TCF4: variants seen among roughly 807,000 people sequenced by gnomAD.
TCF4 encodes SL3-3 enhancer factor 2.
TCF4 carries 3 observed loss-of-function variants against 82.1 expected under a neutral mutation model. The observed-to-expected ratio is 0.04, with a 90% confidence interval of 0.02 to 0.09. The LOEUF (loss-of-function observed/expected upper bound fraction) is 0.09, where lower values mean the gene tolerates loss of function less well. Among genes scored for constraint, TCF4 ranks in the 10% least tolerant of loss-of-function variants. The probability of loss-of-function intolerance (pLI) is 1.00; values close to 1 mark genes in which losing one functional copy is unlikely to be tolerated. For missense variants in TCF4, 518 were observed against 852.7 expected, an observed-to-expected ratio of 0.61 and a Z score of 4.89; for synonymous variants, 276 against 309.6, an observed-to-expected ratio of 0.89 and a Z score of 1.14.
chr18:55,580,946 T>C (rs1220899491), intron 3 of TCF4, among the ~76,000 whole-genome samples: 1 of 151,956 alleles, frequency 6.6e-6, no homozygotes, highest in Non-Finnish European at 1.5e-5. Flanking sequence ...ATTTAAAAAA[T>C]ACAACAGGTA....
intron 2 of TCF4, among the ~76,000 whole-genome samples, chr18:55,605,385 G>A (rs2097701299): frequency 6.6e-6 from 1 of 152,186 alleles, no homozygotes; most frequent in Admixed American, 6.5e-5. Context: ...TCCATCCGAT[G>A]GTGTGAGCTG....
chr18:55,581,639 A>G (rs1231312324), intron 3 of TCF4, among the ~76,000 whole-genome samples: 4 of 152,044 alleles, frequency 2.6e-5, no homozygotes, highest in African/African-American at 9.7e-5. Context: ...CTAATTCAGG[A>G]TGTGACCACG....
At chr18:55,443,794 C>A (rs763211725) in intron 5 of TCF4, among the ~76,000 whole-genome samples, 11 of 152,158 alleles carry the variant, frequency 7.2e-5, no homozygotes, top group Non-Finnish European at 1.0e-4. Flanking sequence ...TCCACAATCA[C>A]AAAAATAGCG....
intron 2 of TCF4, among the ~76,000 whole-genome samples, chr18:55,601,472 A>G (rs1340549747): frequency 6.6e-6 from 1 of 152,034 alleles, no homozygotes; most frequent in Non-Finnish European, 1.5e-5. Flanking sequence ...CTGAGAAAAA[A>G]AAAAAAAAAG....
intron 5 of TCF4, among the ~76,000 whole-genome samples, chr18:55,455,510 A>C (rs1371186980): frequency 6.6e-6 from 1 of 151,338 alleles, no homozygotes; most frequent in Non-Finnish European, 1.5e-5. Context: ...AGATAACATC[A>C]AGCTGAAAGG....
chr18:55,582,725 T>C (rs906628573), intron 3 of TCF4, among the ~76,000 whole-genome samples: 12 of 152,152 alleles, frequency 7.9e-5, no homozygotes, highest in East Asian at 3.9e-4. Context: ...GCATGAATTA[T>C]TACCATGCCT....
At chr18:55,510,618 T>A in intron 3 of TCF4, 5 of 1,517,026 alleles carry the variant, frequency 3.3e-6, no homozygotes, top group Non-Finnish European at 4.4e-6. Context: ...AGTAATAAAT[T>A]CCCCCAATAT....
At chr18:55,360,731 CTT>C (rs35704472) in intron 6 of TCF4, among the ~76,000 whole-genome samples, 5 of 74,266 alleles carry the variant, frequency 6.7e-5, no homozygotes, top group East Asian at 5.3e-4. Context: ...GCCCCCCACC[CTT>C]TTTTTTTTTT....
intron 8 of TCF4, among the ~76,000 whole-genome samples, chr18:55,338,292 C>T (rs975385947): frequency 1.4e-4 from 21 of 152,206 alleles, no homozygotes; most frequent in African/African-American, 4.1e-4. Context: ...TGCCCTCCCC[C>T]GAGGGACTCT....
chr18:55,231,296 C>T (rs1032767906), intron 17 of TCF4: 7 of 152,186 alleles, frequency 4.6e-5, no homozygotes, highest in African/African-American at 1.7e-4. Context: ...AAAATAGGAA[C>T]TTTTCTTCCA....
At chr18:55,327,837 C>T (rs1216677328) in intron 8 of TCF4, among the ~76,000 whole-genome samples, 6 of 152,092 alleles carry the variant, frequency 3.9e-5, no homozygotes. Context: ...TTTGGAGAGA[C>T]AGCAGCATGC....
At position 55,557,690 on chromosome 18, in the gene TCF4, C is replaced by G. The variant is rs1018120593; in HGVS notation, c.145+27590G>C. Among the ~76,000 whole-genome samples, 16 of 152,190 alleles carry G rather than the reference C, an allele frequency of 1.1e-4. 1 individual carries two copies. In the Middle Eastern group the frequency reaches 0.017, roughly 162 times the overall value. ...GGGTCAAAATAATACAAAAAGTTAT[C>G]TATTTGGAAGTCTCATCCCCATCAC... On this transcript the variant is annotated intron_variant, in intron 3 of 19. Coordinates refer to ENST00000354452, the MANE Select transcript of TCF4 (RefSeq NM_001083962.2).
chr18:55,494,295 GAA>G (rs536407161), intron 3 of TCF4, among the ~76,000 whole-genome samples: 1 of 125,648 alleles, frequency 8.0e-6, no homozygotes. Flanking sequence ...TTCTATTTGA[GAA>G]AAAAAAAAAA....
chr18:55,610,874 T>C (rs577064256), intron 2 of TCF4, among the ~76,000 whole-genome samples: 1 of 152,332 alleles, frequency 6.6e-6, no homozygotes, highest in Non-Finnish European at 1.5e-5. Context: ...CTACCTACCA[T>C]GTACTGAAAC....
intron 8 of TCF4, among the ~76,000 whole-genome samples, chr18:55,347,757 G>A (rs1211581788): frequency 6.6e-6 from 1 of 152,108 alleles, no homozygotes; most frequent in Non-Finnish European, 1.5e-5. Context: ...TTATTATAAG[G>A]GAAAGAGAGG....
At chr18:55,481,790 A>T (rs2958182) in intron 3 of TCF4, among the ~76,000 whole-genome samples, 109,007 of 152,126 alleles carry the variant, frequency 0.72, 39,740 homozygotes, top group African/African-American at 0.85. Context: ...TTCCAAGAAT[A>T]ATCCCTTACA....
At chr18:55,411,261 A>T (rs368330475) in intron 5 of TCF4, among the ~76,000 whole-genome samples, 5 of 152,180 alleles carry the variant, frequency 3.3e-5, no homozygotes, top group African/African-American at 1.2e-4. Flanking sequence ...AAATCACTCA[A>T]CTTACTTCTA....
chr18:55,234,817 T>C (rs2048889540), intron 15 of TCF4, 134 bp from the exon 16 acceptor site: 1 of 1,268,458 alleles, frequency 7.9e-7, no homozygotes, highest in Non-Finnish European at 1.1e-6. Flanking sequence ...TAGAGGGCGC[T>C]GAAGGACCGC....
rs1019099325 is a variant in TCF4 at position 55,226,633 on chromosome 18, T to C, written c.*1402A>G. 3 of 152,716 alleles carry C rather than the reference T, an allele frequency of 2.0e-5. No individual in the cohort carries two copies. The highest frequency in any genetic ancestry group is 7.2e-5 in the African/African-American group (3 of 41,564). 9.5% of individuals were successfully genotyped at this position (152,716 alleles called of 1,614,324 possible). On this transcript the variant is annotated 3_prime_UTR_variant, in exon 20 of 20. Transcript: ENST00000354452. The stretch of plus-strand genomic sequence containing the variant: ...TATAATGCTGCATGATGATTGAATA[T>C]TGGCATTTTTCAGACGAAGGAGGAG...
Sources: allele counts gnomAD v4.1 joint callset (sites outside exome capture counted in the v4.1 genomes callset), GRCh38; gene constraint gnomAD v4.1.1; transcripts MANE v1.5; gene names NCBI Gene and HGNC (gene_info 2026-07-23, HGNC 2026-07-21).